Variants in MLLT1 observed in about 807,000 individuals in gnomAD.
MLLT1 encodes MLLT1 super elongation complex subunit.
Under a neutral mutation model 55.1 loss-of-function variants are expected in MLLT1, and 11 were observed. The observed-to-expected ratio is 0.20, with a 90% confidence interval of 0.13 to 0.33. The LOEUF is 0.33. Among genes scored for constraint, MLLT1 ranks in the 10% least tolerant of loss-of-function variants. The probability of loss-of-function intolerance (pLI) is 1.00; values close to 1 mark genes in which losing one functional copy is unlikely to be tolerated. For synonymous variants in MLLT1, 323 were observed against 320.1 expected (o/e 1.01, Z -0.10); for missense variants, 536 against 760.6 (o/e 0.70, Z 3.47).
Position 6,237,104 on chromosome 19 carries a change from C to T in MLLT1, c.277-6391G>A, listed in dbSNP as rs566365842. On this transcript the variant is annotated intron_variant, in intron 3 of 11. Transcript: ENST00000252674. ...GGGTGGGGAGTCCAGGCAGCGAGCC[C>T]GCCACGCCTGCTGGTGCTCCTTGGG... Among the ~76,000 whole-genome samples, 28 of 152,370 alleles carry T rather than the reference C, an allele frequency of 1.8e-4. 1 individual carries two copies. In the South Asian group the frequency reaches 3.7e-3, roughly 20 times the overall value.
chr19:6,272,143 G>A (rs2091400844), intron 1 of MLLT1, among the ~76,000 whole-genome samples: 1 of 149,980 alleles, frequency 6.7e-6, no homozygotes, highest in Non-Finnish European at 1.5e-5. Flanking sequence ...GGAAGCCCGA[G>A]CCCCGCGCAC....
chr19:6,233,169 C>A (rs969987561), intron 3 of MLLT1, among the ~76,000 whole-genome samples: 1 of 152,220 alleles, frequency 6.6e-6, no homozygotes, highest in Non-Finnish European at 1.5e-5. Context: ...GCCTGCAGTG[C>A]CGGACGGCTC....
intron 1 of MLLT1, 99 bp downstream of exon 1, chr19:6,279,674 G>GGCGC (rs950568468): frequency 6.7e-6 from 1 of 150,046 alleles, no homozygotes; most frequent in Non-Finnish European, 1.5e-5. Flanking sequence ...CGGGCGGGCG[G>GGCGC]GCGCGGAGCG....
chr19:6,213,006 G>T lies in MLLT1; in HGVS notation c.*36C>A. 6.2e-7 allele frequency: 1 copy of T among 1,608,716 alleles called. No homozygotes were observed. Among genetic ancestry groups the T allele is most frequent in the Non-Finnish European group, 8.5e-7 (1 of 1,177,114 alleles). On this transcript the variant is annotated 3_prime_UTR_variant, in exon 12 of 12. Coordinates refer to ENST00000252674, the MANE Select transcript of MLLT1 (RefSeq NM_005934.4). ...GCGAGGCCTGGCTGCAGCCTCCCAG[G>T]ACCCCGGCGGTGGGGGCCCGGCACG...
In MLLT1 at chr19:6,270,269, G is replaced by C. The variant is rs2091384763; in HGVS notation, c.193+310C>G. Among the ~76,000 whole-genome samples, 2 of 151,274 alleles carry C rather than the reference G, an allele frequency of 1.3e-5. No individual in the cohort carries two copies. Among genetic ancestry groups the C allele is most frequent in the Admixed American group, 1.3e-4 (2 of 15,130 alleles). Reference sequence around the variant, plus strand: ...ACATAGGCCCGGTCGGCAACTTCCTGATCACTCACCAGCCGGCTGACTTCA... The same window carrying C: ...ACATAGGCCCGGTCGGCAACTTCCTCATCACTCACCAGCCGGCTGACTTCA... On this transcript the variant is annotated intron_variant, in intron 2 of 11. Transcript: ENST00000252674. The surrounding 1 kb of genome is among the most constrained non-coding windows in gnomAD (Gnocchi z 7.1).
At chr19:6,264,008 A>G (rs1287645700) in intron 2 of MLLT1, among the ~76,000 whole-genome samples, 1 of 152,236 alleles carries the variant, frequency 6.6e-6, no homozygotes. Flanking sequence ...GGTGACAGCA[A>G]TGTTCTGGAA....
chr19:6,213,741 C>T lies in MLLT1; in HGVS notation c.1464G>A (p.Lys488=), dbSNP rs1381137921. 11 of 1,613,270 alleles carry T rather than the reference C, an allele frequency of 6.8e-6. No individual in the cohort carries two copies. The highest frequency in any genetic ancestry group is 9.3e-6 in the Non-Finnish European group (11 of 1,179,746). The change falls in exon 10 of 12, where the codon AAG becomes AAA. Residue 488 remains lysine (K), a synonymous_variant. Transcript: ENST00000252674. ...GCCCCCCCACCTTGTCGTAGGTGCC[C>T]TTCTTGAGGATCTTCTCAGGCTTGC... ...SCSKPEKILK[K]GTYDKAYTDE...
rs533399921 is a variant in MLLT1, at chr19:6,241,979, T to A, written c.277-11266A>T. ...CTCACCAGAGGGGCTGCCCGCCTCC[T>A]GAACTCTGCAAGGCCCTGGGAGCCT... is the stretch of plus-strand genomic sequence containing the variant. On this transcript the variant is annotated intron_variant, in intron 3 of 11. Transcript: ENST00000252674. Among the ~76,000 whole-genome samples, 19 of 152,316 alleles carry A rather than the reference T, an allele frequency of 1.2e-4. 1 individual carries two copies. The South Asian group carries it at 2.9e-3, about 23-fold the overall frequency.
chr19:6,277,910 G>GTGTT (rs1198974922), intron 1 of MLLT1, among the ~76,000 whole-genome samples: 1 of 152,188 alleles, frequency 6.6e-6, no homozygotes, highest in Non-Finnish European at 1.5e-5. Context: ...ACCACGCCGT[G>GTGTT]GAAATCCACC....
At position 6,270,638 on chromosome 19, in the gene MLLT1, T is replaced by C. The variant is rs770902024; in HGVS notation, c.134A>G (p.Gln45Arg). The C allele has an allele frequency of 1.9e-6, 3 of 1,614,162 alleles. No individual in the cohort carries two copies. The highest frequency in any genetic ancestry group is 2.5e-6 in the Non-Finnish European group (3 of 1,180,030). ...FVRGPEQCDI[Q>R]HFVEKVVFWL... ...GAAGACCACCTTCTCCACGAAGTGC[T>C]GGATGTCACATTGCTCGGGGCCGCG... Residue 45 changes from glutamine (Q) to arginine (R), a missense_variant, in exon 2 of 12, where the codon CAG becomes CGG. Physicochemically the swap from Gln to Arg is conservative, Grantham distance 43. Coordinates refer to ENST00000252674, the MANE Select transcript of MLLT1 (RefSeq NM_005934.4). The surrounding 1 kb of genome is among the most constrained non-coding windows in gnomAD (Gnocchi z 7.1).
Position 6,213,348 on chromosome 19 carries a change from C to T in MLLT1, c.1540G>A (p.Val514Met). 1.9e-6 allele frequency: 3 copies of T among 1,612,300 alleles called. No homozygotes were observed. The highest frequency in any genetic ancestry group is 2.5e-6 in the Non-Finnish European group (3 of 1,179,890). Residue 514 changes from valine (V) to methionine (M), a missense_variant, in exon 11 of 12, where the codon GTG (valine) becomes ATG (methionine). Physicochemically the swap from Val to Met is conservative, Grantham distance 21 (BLOSUM62 1). Transcript: ENST00000252674. The stretch of plus-strand genomic sequence containing the variant: ...CAGGGGGGCGATACCTGCTGCAGCA[C>T]GTTGCGCTCCCGCAGCGCCATCAGC... The part of the protein sequence containing the change: ...RRLMALRERN[V>M]LQQIVNLIEE...
chr19:6,255,849 G>A (rs1031852817), intron 3 of MLLT1, among the ~76,000 whole-genome samples: 1 of 152,200 alleles, frequency 6.6e-6, no homozygotes, highest in Non-Finnish European at 1.5e-5. Context: ...CTACAAGGCT[G>A]GGCGCGCTGA....
At chr19:6,217,389 C>T (rs147407479) in intron 7 of MLLT1, among the ~76,000 whole-genome samples, 88 of 152,326 alleles carry the variant, frequency 5.8e-4, no homozygotes, top group Non-Finnish European at 3.7e-4. Context: ...CAGGGCAGCT[C>T]TCCCACTGTG....
intron 3 of MLLT1, among the ~76,000 whole-genome samples, chr19:6,258,196 C>T (rs540642861): frequency 6.6e-6 from 1 of 152,196 alleles, no homozygotes; most frequent in Non-Finnish European, 1.5e-5. Flanking sequence ...CACTCACACA[C>T]GTTCACAGCA....
rs2091256509 is a variant in MLLT1, at chr19:6,256,268, TG to T, written c.276+5959del. ...AAATAAATAAATAAAAAGACCAGCC[TG>T]GGCAACACAATGGGACCCCATCTCT... On this transcript the variant is annotated intron_variant, in intron 3 of 11. Transcript: ENST00000252674. The surrounding 1 kb of genome is among the most constrained non-coding windows in gnomAD (Gnocchi z 4.1). Among the ~76,000 whole-genome samples the T allele has an allele frequency of 7.1e-6, 1 of 141,376 alleles. No individual in the cohort carries two copies. The highest frequency in any genetic ancestry group is 2.3e-4 in the South Asian group (1 of 4,362). The allele number at this position is 141,376 out of a possible 152,430, so 92.7% of individuals were successfully genotyped here. A position where few individuals can be genotyped will look rare whatever the true frequency, so the allele number is the denominator to read the frequency against.
intron 11 of MLLT1, 39 bp from the exon 12 acceptor site, chr19:6,213,209 C>T (rs1482846347): frequency 1.2e-6 from 2 of 1,613,326 alleles, no homozygotes; most frequent in Admixed American, 1.7e-5. Flanking sequence ...GGCAGGGGGC[C>T]AAGGGTGGGG....
chr19:6,267,139 T>C (rs988531524), intron 2 of MLLT1, among the ~76,000 whole-genome samples: 1 of 152,002 alleles, frequency 6.6e-6, no homozygotes, highest in Non-Finnish European at 1.5e-5. Flanking sequence ...TTTCGCTCTG[T>C]CGCCCAGGCC....
intron 6 of MLLT1, among the ~76,000 whole-genome samples, chr19:6,220,132 G>A (rs940306703): frequency 3.3e-5 from 5 of 152,228 alleles, no homozygotes; most frequent in African/African-American, 4.8e-5. Flanking sequence ...GAGGGTGGGC[G>A]TGGGCCAGAC....
intron 6 of MLLT1, among the ~76,000 whole-genome samples, chr19:6,220,972 C>A (rs528321316): frequency 6.6e-6 from 1 of 152,232 alleles, no homozygotes; most frequent in African/African-American, 2.4e-5. Flanking sequence ...ACCGGGCACT[C>A]AGCCTTGCCA....
Sources: allele counts gnomAD v4.1 joint callset (sites outside exome capture counted in the v4.1 genomes callset), GRCh38; gene constraint gnomAD v4.1.1; non-coding constraint Gnocchi (gnomAD v3.1); transcripts MANE v1.5; gene names NCBI Gene and HGNC (gene_info 2026-07-23, HGNC 2026-07-21).